Variants in PYROXD2 observed in about 807,000 individuals in gnomAD.
PYROXD2 encodes the protein pyridine nucleotide-disulphide oxidoreductase domain 2.
Under a neutral mutation model 71.1 loss-of-function variants are expected in PYROXD2, and 69 were observed. The observed-to-expected ratio is 0.97, with a 90% CI of 0.80 to 1.19. PYROXD2 has a LOEUF of 1.19. PYROXD2 is among the 50% of genes most tolerant of loss of function. The pLI is 0.00. For missense variants in PYROXD2, 745 were observed against 748.9 expected (o/e 0.99, Z 0.06); for synonymous variants, 287 against 302.7 (o/e 0.95, Z 0.54).
chr10:98,397,288 T>C, intron 6 of PYROXD2, 57 bp downstream of exon 6: 2 of 1,496,038 alleles, frequency 1.3e-6, no homozygotes, highest in Non-Finnish European at 1.8e-6. Flanking sequence ...ATCGAGACAA[T>C]GGGCTCACCT....
Position 98,390,997 on chromosome 10 carries a change from G to C in PYROXD2, c.1135+13C>G, listed in dbSNP as rs12246994. The C allele has an allele frequency of 1.8e-3, 2,893 of 1,599,180 alleles. 47 individuals are homozygous for C. In the African/African-American group the frequency reaches 0.033, roughly 18 times the overall value. ...TCAAAGGAGACAGTGCTGCAATGTG[G>C]TGTGCCTCTTACCATTGATCTTGGT... On this transcript the variant is annotated intron_variant, in intron 11 of 15. Transcript: ENST00000370575.
chr10:98,387,396 A>G, intron 13 of PYROXD2, 89 bp from the exon 14 acceptor site: 2 of 826,126 alleles, frequency 2.4e-6, no homozygotes, highest in Non-Finnish European at 4.0e-6. Flanking sequence ...ACTAACAGTC[A>G]TTAAATTACA....
At chr10:98,402,169 C>T (rs1454732725) in intron 4 of PYROXD2, among the ~76,000 whole-genome samples, 1 of 152,150 alleles carries the variant, frequency 6.6e-6, no homozygotes, top group Non-Finnish European at 1.5e-5. Context: ...TATAGTCTAT[C>T]GTTGACCAAC....
chr10:98,401,791 T>C (rs1459502165), intron 4 of PYROXD2, among the ~76,000 whole-genome samples: 1 of 152,186 alleles, frequency 6.6e-6, no homozygotes, highest in Non-Finnish European at 1.5e-5. Flanking sequence ...CCTGCCCCAC[T>C]GCAGGGTCTT....
intron 4 of PYROXD2, among the ~76,000 whole-genome samples, chr10:98,403,318 C>T (rs1310614677): frequency 3.3e-5 from 5 of 152,194 alleles, no homozygotes; most frequent in African/African-American, 1.2e-4. Context: ...AATCTGTGCG[C>T]GTCTCTCCAA....
chr10:98,414,685 GA>G (rs1417092417), intron 1 of PYROXD2: 8 of 232,102 alleles, frequency 3.4e-5, no homozygotes, highest in Non-Finnish European at 5.8e-5. Context: ...GAATGTGGTG[GA>G]AACTAGGTCA....
intron 13 of PYROXD2, 111 bp from the exon 14 acceptor site, chr10:98,387,418 G>T: frequency 2.8e-6 from 2 of 704,180 alleles, no homozygotes; most frequent in Non-Finnish European, 2.4e-6. Flanking sequence ...ACAGAAATGG[G>T]CTTATTTTAT....
intron 4 of PYROXD2, among the ~76,000 whole-genome samples, chr10:98,401,614 T>G (rs1327643341): frequency 3.9e-5 from 6 of 152,170 alleles, no homozygotes; most frequent in Admixed American, 2.6e-4. Context: ...TATAAAATAT[T>G]TTCTTTATAT....
chr10:98,395,354 A>G, intron 7 of PYROXD2, 37 bp downstream of exon 7: 1 of 1,613,414 alleles, frequency 6.2e-7, no homozygotes, highest in Non-Finnish European at 8.5e-7. Flanking sequence ...GGGCCCTCTC[A>G]CTGCCTGGTC....
At chr10:98,383,925 G>T (rs1470970962) in intron 15 of PYROXD2, 57 bp from the exon 16 acceptor site, 3 of 1,487,070 alleles carry the variant, frequency 2.0e-6, no homozygotes, top group Middle Eastern at 1.8e-4. Context: ...CAGGGTGGGG[G>T]TGGGGACAGG....
At chr10:98,390,917 G>A in intron 11 of PYROXD2, 93 bp downstream of exon 11, 1 of 1,340,988 alleles carries the variant, frequency 7.5e-7, no homozygotes, top group Non-Finnish European at 1.1e-6. Context: ...TCCGGGAATG[G>A]AGATGATGAC....
In PYROXD2 at chr10:98,390,584, T is replaced by G; in HGVS notation, c.1292+14A>C. ...TGGAAGAACATCAGGGAACATAAAG[T>G]CCAGGGCCCCTACCTGTGGGAAGGC... is the stretch of plus-strand genomic sequence containing the variant. On this transcript the variant is annotated intron_variant, in intron 12 of 15. Transcript: ENST00000370575. 2.6e-6 allele frequency: 4 copies of G among 1,568,204 alleles called. No homozygotes were observed. Among genetic ancestry groups the G allele is most frequent in the Non-Finnish European group, 3.5e-6 (4 of 1,157,338 alleles).
chr10:98,408,868 A>ATAAG (rs1843696820), intron 2 of PYROXD2, among the ~76,000 whole-genome samples: 2 of 152,206 alleles, frequency 1.3e-5, no homozygotes, highest in African/African-American at 2.4e-5. Context: ...TTTTCCCACC[A>ATAAG]GCCAAGAGGT....
At chr10:98,414,982 C>A in intron 1 of PYROXD2, 27 bp downstream of exon 1, 1 of 1,610,214 alleles carries the variant, frequency 6.2e-7, no homozygotes, top group South Asian at 1.1e-5. Flanking sequence ...CCCCTCAGCT[C>A]TGGCCCGGCC....
intron 5 of PYROXD2, among the ~76,000 whole-genome samples, chr10:98,399,388 G>A (rs982311575): frequency 1.3e-5 from 2 of 152,152 alleles, no homozygotes; most frequent in East Asian, 3.9e-4. Flanking sequence ...TAATATCCAG[G>A]CTTGGTACAA....
rs776182025 is a variant in PYROXD2 at position 98,395,224 on chromosome 10, T to G, written c.757A>C (p.Met253Leu). The G allele has an allele frequency of 2.5e-6, 4 of 1,614,188 alleles. No homozygotes were observed. Among genetic ancestry groups the G allele is most frequent in the Non-Finnish European group, 1.7e-6 (2 of 1,180,028 alleles). The stretch of plus-strand genomic sequence containing the variant: ...CTCCCCGGAGTGTGGGGACTTGTCA[T>G]GGCTCCAATCACTGCATCTGTGGCT... ...TLATDAVIGAMTSPHTPGSGY... is the reference protein window; with the variant it reads ...TLATDAVIGALTSPHTPGSGY... The change falls in exon 8 of 16, where the codon ATG (methionine) becomes CTG (leucine). Residue 253 changes from methionine (M) to leucine (L), a missense_variant. Physicochemically the swap from Met to Leu is conservative, Grantham distance 15. Transcript: ENST00000370575.
intron 14 of PYROXD2, among the ~76,000 whole-genome samples, chr10:98,385,672 C>T (rs1420349335): frequency 1.3e-5 from 2 of 152,218 alleles, no homozygotes; most frequent in Non-Finnish European, 2.9e-5. Context: ...GCCCTCTTCA[C>T]CTTTCCCCAA....
At chr10:98,389,234 G>A (rs1842866404) in intron 12 of PYROXD2, among the ~76,000 whole-genome samples, 1 of 152,026 alleles carries the variant, frequency 6.6e-6, no homozygotes, top group South Asian at 2.1e-4. Flanking sequence ...TCATTTCACA[G>A]TCGCTCCTTT....
rs931837800 is a variant in PYROXD2, at chr10:98,383,617, G to A, written c.*181C>T. ...AAAACAGAACCAGTCCATGTATGGA[G>A]GCATGGGCATAAGGTCAACTTGCAC... On this transcript the variant is annotated 3_prime_UTR_variant, in exon 16 of 16. Coordinates refer to ENST00000370575, the MANE Select transcript of PYROXD2 (RefSeq NM_032709.3). The A allele has an allele frequency of 4.8e-5, 32 of 665,510 alleles. 1 individual carries two copies. In the African/African-American group the frequency reaches 5.4e-4, roughly 11 times the overall value. The allele number at this position is 665,510 out of a possible 1,614,324, so 41.2% of individuals were successfully genotyped here.
Sources: allele counts gnomAD v4.1 joint callset (sites outside exome capture counted in the v4.1 genomes callset), GRCh38; gene constraint gnomAD v4.1.1; transcripts MANE v1.5; gene names NCBI Gene and HGNC (gene_info 2026-07-23, HGNC 2026-07-21).